KIF18B: variants seen among roughly 807,000 people sequenced by gnomAD.
KIF18B encodes the protein kinesin family member 18B, also known as kinesin-like protein KIF18B.
KIF18B carries 49 observed loss-of-function variants against 80.9 expected under a neutral mutation model. The ratio of observed to expected loss-of-function variants is 0.61; its 90% confidence interval spans 0.48 to 0.77. The LOEUF is 0.77. Ranked by LOEUF, KIF18B falls within the 30% of genes least tolerant of loss-of-function variation. The pLI, the probability that KIF18B is intolerant of heterozygous loss-of-function variation, is 0.00. For missense variants in KIF18B, 994 were observed against 1,127.7 expected (o/e 0.88, Z 1.70); for synonymous variants, 439 against 463.9 (o/e 0.95, Z 0.69).
At chr17:44,938,558 A>G (rs777399418) in intron 1 of KIF18B, among the ~76,000 whole-genome samples, 1 of 151,216 alleles carries the variant, frequency 6.6e-6, no homozygotes, top group Non-Finnish European at 1.5e-5. Context: ...TCTATCTAAT[A>G]TTTTTTCTTT....
chr17:44,936,626 T>C (rs868536755), intron 1 of KIF18B, among the ~76,000 whole-genome samples: 1 of 16,212 alleles, frequency 6.2e-5, no homozygotes, highest in African/African-American at 2.7e-4. Context: ...ATATATATAT[T>C]TTTTTTTTTT....
chr17:44,934,576 C>A lies in KIF18B; in HGVS notation c.618G>T (p.Gly206=). The A allele has an allele frequency of 6.2e-7, 1 of 1,612,204 alleles. No homozygotes were observed. Among genetic ancestry groups the A allele is most frequent in the Non-Finnish European group, 8.5e-7 (1 of 1,179,144 alleles). Residue 206 remains glycine, a synonymous_variant, in exon 5 of 16, where the codon GGG becomes GGT. Coordinates refer to ENST00000593135, the MANE Select transcript of KIF18B (RefSeq NM_001265577.2). This position sits in a 1 kb window ranked among gnomAD's most constrained non-coding sequence, Gnocchi z 5.4. ...TGGGGTGCTGCGTGCGGTTACGGTT[C>A]CCCCTGGTCAGTATCTCCAGCAGCT... ...AEQLLEILTR[G]NRNRTQHPTD...
At chr17:44,930,443 T>TA (rs1054201074) in intron 11 of KIF18B, among the ~76,000 whole-genome samples, 45 of 151,524 alleles carry the variant, frequency 3.0e-4, no homozygotes, top group Admixed American at 2.3e-3. Context: ...CTAAAAACAA[T>TA]AAAAAAAAAT....
intron 1 of KIF18B, among the ~76,000 whole-genome samples, chr17:44,938,195 T>C (rs1257167512): frequency 6.6e-6 from 1 of 152,204 alleles, no homozygotes; most frequent in Non-Finnish European, 1.5e-5. Flanking sequence ...TTTGTGTTTT[T>C]AGTAGAGACG....
rs1010282563 is a variant in KIF18B, at chr17:44,934,322, C to T, written c.796G>A (p.Ala266Thr). ...CCCTCCCGCAGCCGCTCCCCCTTCG[C>T]ATGGGTGCTGGATGCCCGCTCTGAG... is the stretch of plus-strand genomic sequence containing the variant. ...AGSERASSTH[A>T]KGERLREGAN... Residue 266 changes from alanine (A) to threonine (T), a missense_variant, in exon 6 of 16, where the codon GCG (alanine) becomes ACG (threonine). Ala to Thr is a moderately conservative substitution (Grantham distance 58). Transcript: ENST00000593135. This position sits in a 1 kb window ranked among gnomAD's most constrained non-coding sequence, Gnocchi z 5.4. 1.2e-6 allele frequency: 2 copies of T among 1,610,312 alleles called. No individual in the cohort carries two copies. Among genetic ancestry groups the T allele is most frequent in the Non-Finnish European group, 1.7e-6 (2 of 1,178,342 alleles).
rs73307487 is a variant in KIF18B, at chr17:44,932,030, C to T, written c.1389+26G>A. The stretch of plus-strand genomic sequence containing the variant: ...CACCAGCTCCAAGCCCTCCCGATAC[C>T]CAGGCCTCACACCCCCAAGTCCTAC... On this transcript the variant is annotated intron_variant, in intron 10 of 15. Coordinates refer to ENST00000593135, the MANE Select transcript of KIF18B (RefSeq NM_001265577.2). The T allele has an allele frequency of 6.2e-4, 982 of 1,590,274 alleles. 7 individuals carry two copies. The African/African-American group carries it at 0.011, about 18-fold the overall frequency.
intron 1 of KIF18B, among the ~76,000 whole-genome samples, chr17:44,946,748 A>C (rs1355651673): frequency 6.6e-6 from 1 of 152,152 alleles, no homozygotes; most frequent in Non-Finnish European, 1.5e-5. Flanking sequence ...GTCAAAGCTA[A>C]GGGGAGATGC....
intron 8 of KIF18B, 50 bp downstream of exon 8, chr17:44,932,862 C>T: frequency 1.3e-6 from 2 of 1,585,120 alleles, no homozygotes; most frequent in Non-Finnish European, 1.7e-6. Context: ...CCTCAAGCTC[C>T]TGCCTCTGGC....
chr17:44,935,314 C>A lies in KIF18B; in HGVS notation c.416G>T (p.Arg139Leu), dbSNP rs371614541. Residue 139 changes from arginine (R) to leucine (L), a missense_variant, in exon 3 of 16, where the codon CGC becomes CTC. Transcript: ENST00000593135. ...CTTCTCCTGCTGGCGGGCCTCCAGG[C>A]GCCTGTACAGTTCCACGGTGGTCAG... Reference protein sequence around the residue: ...MYLTTVELYRRLEARQQEKHF... With the variant: ...MYLTTVELYRLLEARQQEKHF... 115 of 1,612,964 alleles carry A rather than the reference C, an allele frequency of 7.1e-5. No individual in the cohort carries two copies. In the African/African-American group the frequency reaches 1.2e-3, roughly 17 times the overall value.
chr17:44,935,340 G>A lies in KIF18B; in HGVS notation c.390C>T (p.Tyr130=), dbSNP rs940193469. The change falls in exon 3 of 16, where the codon TAC becomes TAT. Residue 130 remains tyrosine, a synonymous_variant. Coordinates refer to ENST00000593135, the MANE Select transcript of KIF18B (RefSeq NM_001265577.2). ...LGREGDPGIM[Y]LTTVELYRRL... ...GCCTGTACAGTTCCACGGTGGTCAG[G>A]TACATGATGCCGGGGTCCCCCTCCC... The A allele has an allele frequency of 1.9e-6, 3 of 1,613,118 alleles. No homozygotes were observed. Among genetic ancestry groups the A allele is most frequent in the Admixed American group, 1.7e-5 (1 of 59,940 alleles).
chr17:44,942,572 ATC>A (rs1008482054), intron 1 of KIF18B, among the ~76,000 whole-genome samples: 13 of 152,194 alleles, frequency 8.5e-5, no homozygotes, highest in Non-Finnish European at 1.8e-4. Flanking sequence ...AGCCCCCTTC[ATC>A]TCTCCTTCAC....
At chr17:44,946,275 T>C (rs1020636431) in intron 1 of KIF18B, among the ~76,000 whole-genome samples, 5 of 152,178 alleles carry the variant, frequency 3.3e-5, no homozygotes, top group African/African-American at 1.2e-4. Flanking sequence ...TTTAAAAAGG[T>C]ATAAATGGAA....
At position 44,935,380 on chromosome 17, in the gene KIF18B, T is replaced by C; in HGVS notation, c.350A>G (p.His117Arg). The change falls in exon 3 of 16, where the codon CAC becomes CGC. Residue 117 changes from histidine (H) to arginine (R), a missense_variant. His to Arg is a conservative substitution (Grantham distance 29). Transcript: ENST00000593135. The stretch of plus-strand genomic sequence containing the variant: ...GTCCCCCTCCCTTCCCAGCATGGTG[T>C]GTGTCTTCCCAGCCCCGGTGGCCCC... Reference protein sequence around the residue: ...AYGATGAGKTHTMLGREGDPG... With the variant: ...AYGATGAGKTRTMLGREGDPG... The C allele has an allele frequency of 6.2e-7, 1 of 1,612,944 alleles. No homozygotes were observed. Among genetic ancestry groups the C allele is most frequent in the Non-Finnish European group, 8.5e-7 (1 of 1,179,324 alleles).
chr17:44,940,507 T>G (rs1010854733), intron 1 of KIF18B, among the ~76,000 whole-genome samples: 3 of 152,140 alleles, frequency 2.0e-5, no homozygotes, highest in Non-Finnish European at 4.4e-5. Context: ...CTCTCCCTGG[T>G]TTTTCATTTC....
Position 44,934,603 on chromosome 17 carries a change from C to G in KIF18B, c.591G>C (p.Glu197Asp), listed in dbSNP as rs140975723. Reference sequence around the variant, plus strand: ...CCCTGGTCAGTATCTCCAGCAGCTGCTCGGCTGAGGCTGGCTACAGAGGAG... The same window carrying G: ...CCCTGGTCAGTATCTCCAGCAGCTGGTCGGCTGAGGCTGGCTACAGAGGAG... ...GLSFHQPASA[E>D]QLLEILTRGN... Residue 197 changes from glutamate to aspartate, a missense_variant, in exon 5 of 16, where the codon GAG becomes GAC. By Grantham distance (45) the Glu-to-Asp change is conservative. Transcript: ENST00000593135. This position sits in a 1 kb window ranked among gnomAD's most constrained non-coding sequence, Gnocchi z 5.4. The G allele has an allele frequency of 2.3e-3, 3,623 of 1,607,726 alleles. 7 individuals carry two copies. Among genetic ancestry groups the G allele is most frequent in the Non-Finnish European group, 2.8e-3 (3,310 of 1,176,750 alleles).
At chr17:44,933,127 G>C (rs1567791426) in intron 7 of KIF18B, 141 bp from the exon 8 acceptor site, 2 of 682,830 alleles carry the variant, frequency 2.9e-6, no homozygotes, top group Non-Finnish European at 5.0e-6. Context: ...CAGCAGAGAA[G>C]GTCAGTATCA....
At chr17:44,945,211 G>A (rs1477193318) in intron 1 of KIF18B, among the ~76,000 whole-genome samples, 5 of 152,244 alleles carry the variant, frequency 3.3e-5, no homozygotes, top group African/African-American at 9.6e-5. Flanking sequence ...ACAGGCACAC[G>A]CCACCACACC....
At chr17:44,941,861 C>G (rs1207341605) in intron 1 of KIF18B, among the ~76,000 whole-genome samples, 1 of 152,192 alleles carries the variant, frequency 6.6e-6, no homozygotes, top group Non-Finnish European at 1.5e-5. Context: ...AAGGAGTGCT[C>G]ATAACCTTTA....
intron 11 of KIF18B, among the ~76,000 whole-genome samples, chr17:44,929,260 G>GTCAT (rs2052098840): frequency 1.3e-5 from 2 of 152,224 alleles, no homozygotes; most frequent in South Asian, 4.1e-4. Flanking sequence ...GGGTAATGGT[G>GTCAT]GGAGGTGTCA....
Sources: allele counts gnomAD v4.1 joint callset (sites outside exome capture counted in the v4.1 genomes callset), GRCh38; gene constraint gnomAD v4.1.1; non-coding constraint Gnocchi (gnomAD v3.1); transcripts MANE v1.5; gene names NCBI Gene and HGNC (gene_info 2026-07-23, HGNC 2026-07-21).